Variants in TENM2 observed in about 807,000 individuals in gnomAD.
TENM2 encodes the protein teneurin-2.
Under a neutral mutation model 245.2 loss-of-function variants are expected in TENM2, and 52 were observed. The ratio of observed to expected loss-of-function variants is 0.21; its 90% CI spans 0.17 to 0.27. The LOEUF (loss-of-function observed/expected upper bound fraction) is 0.27. Ranked by LOEUF, TENM2 falls within the 10% of genes least tolerant of loss-of-function variation. The pLI, the probability that TENM2 is intolerant of heterozygous loss-of-function variation, is 1.00. For missense variants in TENM2, 3,046 were observed against 3,666.8 expected, an observed-to-expected ratio of 0.83 and a Z score of 4.37; for synonymous variants, 1,363 against 1,438.9, an observed-to-expected ratio of 0.95 and a Z score of 1.19.
the TENM2 span, among the ~76,000 whole-genome samples, chr5:167,054,730 A>C: frequency 6.6e-6 from 1 of 152,144 alleles, no homozygotes; most frequent in African/African-American, 2.4e-5. Context: ...CATTCTAGTA[A>C]GTGCAGAATA....
chr5:167,438,549 G>T (rs542673471), intron 2 of TENM2, among the ~76,000 whole-genome samples: 2 of 151,846 alleles, frequency 1.3e-5, no homozygotes, highest in African/African-American at 4.8e-5. Context: ...CTGCCACCAC[G>T]CCTGGCTAAT....
At chr5:167,868,780 G>A (rs1003273221) in intron 2 of TENM2, among the ~76,000 whole-genome samples, 1 of 151,876 alleles carries the variant, frequency 6.6e-6, no homozygotes, top group Admixed American at 6.6e-5. Flanking sequence ...ATTTGTTAGG[G>A]GTCATTTTGC....
chr5:168,173,963 C>T (rs1759096029), intron 13 of TENM2, among the ~76,000 whole-genome samples: 1 of 152,158 alleles, frequency 6.6e-6, no homozygotes, highest in East Asian at 1.9e-4. Context: ...GTGTGGGGAC[C>T]TCTGAGAAGC....
At chr5:168,137,711 A>G (rs1755175739) in intron 12 of TENM2, among the ~76,000 whole-genome samples, 1 of 152,240 alleles carries the variant, frequency 6.6e-6, no homozygotes, top group Non-Finnish European at 1.5e-5. Context: ...AAGATACCGG[A>G]GGCAGTGTGA....
At chr5:168,118,306 C>T (rs1379123635) in exon 10 of TENM2, 1 of 1,595,910 alleles carries the variant, frequency 6.3e-7, no homozygotes, top group Non-Finnish European at 8.6e-7. Context: ...CTGCCCTGTC[C>T]TGTGCAGTGG....
the TENM2 span, among the ~76,000 whole-genome samples, chr5:167,236,459 C>T: frequency 6.6e-6 from 1 of 152,098 alleles, no homozygotes; most frequent in Non-Finnish European, 1.5e-5. Context: ...CTGAGTGGCT[C>T]CAGTGTCAAA....
At chr5:167,207,208 C>T in the TENM2 span, among the ~76,000 whole-genome samples, 6 of 152,250 alleles carry the variant, frequency 3.9e-5, no homozygotes, top group African/African-American at 1.2e-4. Flanking sequence ...GCAGACTTCC[C>T]CATGGACTGG....
intron 3 of TENM2, chr5:167,948,898 A>G (rs1438717869): frequency 6.6e-6 from 1 of 152,194 alleles, no homozygotes; most frequent in African/African-American, 2.4e-5. Context: ...GCTTTACAGA[A>G]GGGCTTTTCA....
intron 6 of TENM2, among the ~76,000 whole-genome samples, chr5:168,054,921 A>G (rs552814532): frequency 6.6e-6 from 1 of 152,334 alleles, no homozygotes; most frequent in South Asian, 2.1e-4. Context: ...TATCTTAAGC[A>G]CGTGCTTCTT....
the TENM2 span, among the ~76,000 whole-genome samples, chr5:167,255,226 T>C: frequency 6.6e-6 from 1 of 152,142 alleles, no homozygotes; most frequent in Admixed American, 6.5e-5. Flanking sequence ...TAAGATTTAT[T>C]GACACTGTCA....
intron 2 of TENM2, among the ~76,000 whole-genome samples, chr5:167,404,285 C>T (rs981424531): frequency 5.9e-5 from 9 of 151,838 alleles, no homozygotes; most frequent in Non-Finnish European, 1.3e-4. Flanking sequence ...GGGGAATTTC[C>T]TGGTGCATTT....
At chr5:167,859,379 G>C (rs1771454976) in intron 2 of TENM2, among the ~76,000 whole-genome samples, 1 of 100,068 alleles carries the variant, frequency 1.0e-5, no homozygotes, top group African/African-American at 3.9e-5. Context: ...GGAGGGAGGT[G>C]GGGGGGGTCA....
At chr5:167,827,665 T>C (rs984266530) in intron 2 of TENM2, among the ~76,000 whole-genome samples, 2 of 126,210 alleles carry the variant, frequency 1.6e-5, no homozygotes, top group South Asian at 2.7e-4. Flanking sequence ...GTGAATGAAA[T>C]AGAGGTTCTT....
At chr5:168,159,885 A>G (rs1291785215) in intron 12 of TENM2, among the ~76,000 whole-genome samples, 22 of 152,216 alleles carry the variant, frequency 1.4e-4, no homozygotes, top group Admixed American at 1.4e-3. Context: ...GCCTCATTCA[A>G]TCTAGAAATA....
chr5:167,652,515 C>T (rs1386720506), intron 2 of TENM2, among the ~76,000 whole-genome samples: 1 of 152,138 alleles, frequency 6.6e-6, no homozygotes, highest in East Asian at 1.9e-4. Context: ...GGGAACACAT[C>T]CCCCTTGAAT....
the TENM2 span, among the ~76,000 whole-genome samples, chr5:167,010,459 G>A: frequency 6.6e-6 from 1 of 152,180 alleles, no homozygotes; most frequent in South Asian, 2.1e-4. Flanking sequence ...CTGTCCATTT[G>A]GCATTTTAAT....
the TENM2 span, among the ~76,000 whole-genome samples, chr5:167,150,459 A>G: frequency 6.6e-6 from 1 of 152,204 alleles, no homozygotes; most frequent in South Asian, 2.1e-4. Context: ...TTTGATTTCA[A>G]AACACATATT....
At chr5:167,034,659 T>C in the TENM2 span, among the ~76,000 whole-genome samples, 59,374 of 132,938 alleles carry the variant, frequency 0.45, 12,707 homozygotes, top group African/African-American at 0.49. Context: ...AAAAAGAAAA[T>C]ATTTTAAAGT....
In TENM2 at chr5:167,856,267, G is replaced by A. The variant is rs536372935; in HGVS notation, c.503-19719G>A. Among the ~76,000 whole-genome samples, 4 of 152,144 alleles carry A rather than the reference G, an allele frequency of 2.6e-5. No individual in the cohort carries two copies. In the East Asian group the frequency reaches 5.8e-4, roughly 22 times the overall value. ...CCCCCACTTTGCCAAATGAGCTGAGGAAATGCATCCTTACCTCCCAAGCAA... is the reference window on the plus strand; with the variant it reads ...CCCCCACTTTGCCAAATGAGCTGAGAAAATGCATCCTTACCTCCCAAGCAA... On this transcript the variant is annotated intron_variant, in intron 2 of 28. Transcript: ENST00000518659.
Sources: gnomAD v4.1 joint callset for allele counts (sites outside exome capture counted in the v4.1 genomes callset) on GRCh38, gnomAD v4.1.1 for gene constraint, MANE v1.5 for transcripts, NCBI Gene and HGNC (gene_info 2026-07-23, HGNC 2026-07-21) for gene names.